The following KLHDC1 variants were observed in gnomAD, a reference collection of about 807,000 sequenced individuals.
The protein encoded by KLHDC1 is kelch domain-containing protein 1.
KLHDC1 carries 53 observed loss-of-function variants against 68.3 expected under a neutral mutation model. That is an observed-to-expected ratio of 0.78 (90% CI 0.62 to 0.98). The LOEUF (loss-of-function observed/expected upper bound fraction) is 0.98, where lower values mean the gene tolerates loss of function less well. Among genes scored for constraint, KLHDC1 ranks in the 50% least tolerant of loss-of-function variants. The pLI, the probability that KLHDC1 is intolerant of heterozygous loss-of-function variation, is 0.00. For missense variants in KLHDC1, 470 were observed against 492.3 expected (o/e 0.95, Z 0.43); for synonymous variants, 148 against 159.0 (o/e 0.93, Z 0.52).
intron 4 of KLHDC1, among the ~76,000 whole-genome samples, chr14:49,718,769 C>CTTTTTTTTTTTT (rs71115397): frequency 2.1e-4 from 16 of 76,838 alleles, no homozygotes; most frequent in African/African-American, 4.8e-4. Context: ...TTCTTTCTTT[C>CTTTTTTTTTTTT]TTTTTTTTTT....
chr14:49,747,227 G>A (rs1157095113), intron 12 of KLHDC1, among the ~76,000 whole-genome samples: 6 of 152,170 alleles, frequency 3.9e-5, no homozygotes, highest in African/African-American at 1.2e-4. Context: ...GATTACAGGC[G>A]TGAGCCACCA....
rs1888545452 is a variant in KLHDC1 at position 49,722,222 on chromosome 14, C to T, written c.405-1652C>T. On this transcript the variant is annotated intron_variant, in intron 4 of 12. Transcript: ENST00000359332. ...ATACATGTGCCATGTTGGTATGCTG[C>T]ACCCATTAACACATCATTTACATTA... Among the ~76,000 whole-genome samples the T allele has an allele frequency of 2.6e-5, 4 of 152,222 alleles. No homozygotes were observed. In the South Asian group the frequency reaches 8.3e-4, roughly 31 times the overall value.
intron 8 of KLHDC1, among the ~76,000 whole-genome samples, chr14:49,732,226 G>C (rs574733479): frequency 3.3e-5 from 5 of 151,942 alleles, no homozygotes; most frequent in Admixed American, 2.6e-4. Flanking sequence ...AGGCTGGAGT[G>C]CAGTGGTGCA....
intron 12 of KLHDC1, among the ~76,000 whole-genome samples, chr14:49,750,318 G>A (rs768881684): frequency 6.6e-5 from 10 of 152,170 alleles, no homozygotes; most frequent in Non-Finnish European, 1.5e-4. Flanking sequence ...CTTTGCAAAT[G>A]TGGTTCTTCT....
intron 6 of KLHDC1, among the ~76,000 whole-genome samples, chr14:49,726,939 G>T (rs556680920): frequency 2.6e-5 from 4 of 152,068 alleles, no homozygotes; most frequent in African/African-American, 9.7e-5. Flanking sequence ...CTCTCTCAAC[G>T]TCTATATATT....
chr14:49,736,226 TGTTA>T (rs1004975595), intron 10 of KLHDC1, among the ~76,000 whole-genome samples: 5 of 152,254 alleles, frequency 3.3e-5, no homozygotes, highest in African/African-American at 1.2e-4. Context: ...TATAATATAC[TGTTA>T]GTTAGAACTA....
Position 49,748,925 on chromosome 14 carries a change from C to T in KLHDC1, c.1035-2661C>T, listed in dbSNP as rs562384228. Among the ~76,000 whole-genome samples the T allele has an allele frequency of 5.5e-4, 83 of 150,528 alleles. 1 individual carries two copies. The highest frequency in any genetic ancestry group is 1.0e-3 in the Non-Finnish European group (69 of 67,934). ...AAGCAATTCTTCTGCCTCAGCCTCC[C>T]GAGTAGCTGAGATTACAGGCACGCA... On this transcript the variant is annotated intron_variant, in intron 12 of 12. Coordinates refer to ENST00000359332, the MANE Select transcript of KLHDC1 (RefSeq NM_172193.3).
At chr14:49,705,156 A>G (rs976098980) in intron 1 of KLHDC1, among the ~76,000 whole-genome samples, 1 of 152,150 alleles carries the variant, frequency 6.6e-6, no homozygotes, top group Non-Finnish European at 1.5e-5. Context: ...AAGAGAATAG[A>G]TGAATGGTCC....
intron 4 of KLHDC1, among the ~76,000 whole-genome samples, chr14:49,712,930 A>T (rs1212203330): frequency 1.3e-5 from 2 of 148,302 alleles, no homozygotes; most frequent in Non-Finnish European, 3.0e-5. Flanking sequence ...GTGAGCCACC[A>T]TGCCCGGCCC....
intron 12 of KLHDC1, among the ~76,000 whole-genome samples, chr14:49,749,390 A>G (rs137941454): frequency 1.3e-3 from 201 of 152,228 alleles, no homozygotes; most frequent in African/African-American, 4.7e-3. Context: ...TTTATTGGCT[A>G]GGTGCAATGG....
At chr14:49,707,338 CTTTTTT>C (rs1191432812) in intron 1 of KLHDC1, among the ~76,000 whole-genome samples, 1 of 61,774 alleles carries the variant, frequency 1.6e-5, no homozygotes, top group Non-Finnish European at 3.2e-5. Flanking sequence ...ACAAGATATT[CTTTTTT>C]TTTTTTTTTT....
chr14:49,746,950 C>CTTTTT (rs527399327), intron 12 of KLHDC1, among the ~76,000 whole-genome samples: 2 of 139,124 alleles, frequency 1.4e-5, no homozygotes, highest in African/African-American at 5.3e-5. Context: ...AGCTTTCTCT[C>CTTTTT]TTTTTTTTTT....
chr14:49,739,998 T>C, intron 10 of KLHDC1, 100 bp from the exon 11 acceptor site: 1 of 638,274 alleles, frequency 1.6e-6, no homozygotes, highest in South Asian at 2.5e-5. Flanking sequence ...CTCTTTTAAA[T>C]AGATTACATT....
chr14:49,698,242 C>T (rs572832346), intron 1 of KLHDC1, among the ~76,000 whole-genome samples: 2 of 152,228 alleles, frequency 1.3e-5, no homozygotes, highest in East Asian at 1.9e-4. Flanking sequence ...CTTGCTCTGT[C>T]GCCCAGGCTG....
At chr14:49,713,850 A>ATTT (rs869250721) in intron 4 of KLHDC1, among the ~76,000 whole-genome samples, 3 of 50,218 alleles carry the variant, frequency 6.0e-5, no homozygotes, top group African/African-American at 2.6e-4. Context: ...ATATATATAT[A>ATTT]TTTTTTTTTT....
chr14:49,704,387 G>GTTTTTTTTTT lies in KLHDC1; in HGVS notation c.97-4757_97-4748dup, dbSNP rs35067251. 4.1e-4 allele frequency among the ~76,000 whole-genome samples: 28 copies of GTTTTTTTTTT among 68,692 alleles called. 2 individuals are homozygous for GTTTTTTTTTT. Among genetic ancestry groups the GTTTTTTTTTT allele is most frequent in the African/African-American group, 5.8e-4 (9 of 15,528 alleles). The allele number at this position is 68,692 out of a possible 152,430, so 45.1% of individuals were successfully genotyped here. On this transcript the variant is annotated intron_variant, in intron 1 of 12. Transcript: ENST00000359332. ...GTCTTTTTATTTTTTTTCCTTTTCT[G>GTTTTTTTTTT]TTTTTTTTTTTTTTTTTTTTTTTTG...
At chr14:49,722,251 A>T (rs1043989322) in intron 4 of KLHDC1, among the ~76,000 whole-genome samples, 5 of 152,288 alleles carry the variant, frequency 3.3e-5, no homozygotes, top group African/African-American at 1.2e-4. Flanking sequence ...TACATTAGGT[A>T]TATCTCCTAA....
At chr14:49,713,790 G>C (rs1299239909) in intron 4 of KLHDC1, among the ~76,000 whole-genome samples, 2 of 122,168 alleles carry the variant, frequency 1.6e-5, no homozygotes, top group African/African-American at 3.1e-5. Context: ...AGGTGGCTGA[G>C]GCAGGAGGTA....
intron 11 of KLHDC1, among the ~76,000 whole-genome samples, chr14:49,743,259 G>C (rs926000420): frequency 6.6e-6 from 1 of 151,302 alleles, no homozygotes; most frequent in Non-Finnish European, 1.5e-5. Context: ...AATTAGCAGA[G>C]CATGGTAGTG....
Sources: gnomAD v4.1 joint callset for allele counts (sites outside exome capture counted in the v4.1 genomes callset) on GRCh38, gnomAD v4.1.1 for gene constraint, MANE v1.5 for transcripts, NCBI Gene and HGNC (gene_info 2026-07-23, HGNC 2026-07-21) for gene names.